The following GRID2 variants were observed in gnomAD, a reference collection of about 807,000 sequenced individuals.
GRID2 encodes the protein glutamate ionotropic receptor delta type subunit 2.
A neutral mutation model predicts 114.8 loss-of-function variants in GRID2; 33 were observed. That is an observed-to-expected ratio of 0.29 (90% CI 0.22 to 0.38). The LOEUF (loss-of-function observed/expected upper bound fraction) is 0.38. Ranked by LOEUF, GRID2 falls within the 10% of genes least tolerant of loss-of-function variation. The pLI is 1.00. For synonymous variants in GRID2, 505 were observed against 449.9 expected (o/e 1.12, Z -1.55); for missense variants, 1,184 against 1,257.7 (o/e 0.94, Z 0.89).
At chr4:92,345,838 C>CG (rs1727736313) in intron 1 of GRID2, among the ~76,000 whole-genome samples, 1 of 152,156 alleles carries the variant, frequency 6.6e-6, no homozygotes, top group Non-Finnish European at 1.5e-5. Context: ...AAGTAAGCAT[C>CG]GTTAGCCTTC....
chr4:92,670,456 T>A (rs1175671335), intron 2 of GRID2, among the ~76,000 whole-genome samples: 1 of 152,032 alleles, frequency 6.6e-6, no homozygotes, highest in African/African-American at 2.4e-5. Flanking sequence ...TATTTGTGGA[T>A]GAACACTTGG....
chr4:92,344,516 G>C (rs1444774843), intron 1 of GRID2, among the ~76,000 whole-genome samples: 1 of 152,160 alleles, frequency 6.6e-6, no homozygotes, highest in South Asian at 2.1e-4. Context: ...AAAACAAGAA[G>C]ATTTATTTTG....
chr4:93,366,710 C>T lies in GRID2; in HGVS notation c.1246-28897C>T, dbSNP rs559460433. Among the ~76,000 whole-genome samples, 428 of 152,084 alleles carry T rather than the reference C, an allele frequency of 2.8e-3. 2 individuals are homozygous for T. The highest frequency in any genetic ancestry group is 0.01 in the South Asian group (50 of 4,800). On this transcript the variant is annotated intron_variant, in intron 8 of 15. Coordinates refer to ENST00000282020, the MANE Select transcript of GRID2 (RefSeq NM_001510.4). ...GCTTGTGGGGCATCATAGAACCTAC[C>T]GACATGTGATGTCTACCCCGGACGC...
chr4:93,381,453 T>C (rs186310035), intron 8 of GRID2, among the ~76,000 whole-genome samples: 7 of 152,274 alleles, frequency 4.6e-5, no homozygotes, highest in Admixed American at 3.9e-4. Flanking sequence ...ATTTAAAAAC[T>C]TGTTTTCTAT....
chr4:93,659,263 T>C (rs1043737692), intron 14 of GRID2, among the ~76,000 whole-genome samples: 5 of 152,088 alleles, frequency 3.3e-5, no homozygotes, highest in Non-Finnish European at 5.9e-5. Flanking sequence ...CCAGAATTAA[T>C]TGAAAGGAAA....
At chr4:93,274,848 T>C in intron 8 of GRID2, among the ~76,000 whole-genome samples, 1 of 152,046 alleles carries the variant, frequency 6.6e-6, no homozygotes, top group South Asian at 2.1e-4. Context: ...TCTTATTTGC[T>C]GAAAAATACC....
At chr4:92,788,688 A>G (rs909832043) in intron 2 of GRID2, among the ~76,000 whole-genome samples, 3 of 151,882 alleles carry the variant, frequency 2.0e-5, no homozygotes, top group Admixed American at 6.6e-5. Flanking sequence ...ACTACAAATC[A>G]GATTGAACAC....
intron 8 of GRID2, among the ~76,000 whole-genome samples, chr4:93,263,197 T>C (rs986192745): frequency 6.6e-6 from 1 of 152,034 alleles, no homozygotes; most frequent in Non-Finnish European, 1.5e-5. Flanking sequence ...TTTTGTCATA[T>C]TTTTTAATCA....
chr4:93,065,842 A>G (rs1244477172), intron 2 of GRID2, among the ~76,000 whole-genome samples: 5 of 151,878 alleles, frequency 3.3e-5, no homozygotes, highest in East Asian at 1.9e-4. Flanking sequence ...CTTGCTAAAT[A>G]CACTAGCTTA....
At chr4:92,601,446 G>A (rs1219104540) in intron 2 of GRID2, among the ~76,000 whole-genome samples, 1 of 152,120 alleles carries the variant, frequency 6.6e-6, no homozygotes. Flanking sequence ...GATAAATCAT[G>A]AAATCAAGGC....
chr4:93,557,437 C>T (rs538004936), intron 13 of GRID2, among the ~76,000 whole-genome samples: 10 of 152,026 alleles, frequency 6.6e-5, no homozygotes, highest in Non-Finnish European at 1.3e-4. Flanking sequence ...GGGTTGCAGC[C>T]CTGGTCTCTG....
Position 93,267,906 on chromosome 4 carries a change from T to A in GRID2, c.1245+29416T>A, listed in dbSNP as rs548723821. On this transcript the variant is annotated intron_variant, in intron 8 of 15. Transcript: ENST00000282020. ...CCCAGGTGTGAGATCCTTCCTAGTG[T>A]CATTCCTGCTCCGTCTCTCTGCTAC... is the stretch of plus-strand genomic sequence containing the variant. 1.2e-4 allele frequency among the ~76,000 whole-genome samples: 19 copies of A among 152,272 alleles called. No homozygotes were observed. The South Asian group carries it at 3.9e-3, about 32-fold the overall frequency.
chr4:92,584,800 G>A (rs973084695), intron 1 of GRID2, among the ~76,000 whole-genome samples: 3 of 151,878 alleles, frequency 2.0e-5, no homozygotes, highest in African/African-American at 7.3e-5. Context: ...GCATAAAATG[G>A]CAGACATAGC....
Position 93,393,695 on chromosome 4 carries a change from C to T in GRID2, c.1246-1912C>T, listed in dbSNP as rs542200810. 2.0e-4 allele frequency among the ~76,000 whole-genome samples: 30 copies of T among 152,032 alleles called. 1 individual carries two copies. In the South Asian group the frequency reaches 6.2e-3, roughly 32 times the overall value. On this transcript the variant is annotated intron_variant, in intron 8 of 15. Coordinates refer to ENST00000282020, the MANE Select transcript of GRID2 (RefSeq NM_001510.4). ...AATTATATATTTATAAATGTTTGTC[C>T]ATAGCATTGTTGAAACAAATGGCTC...
At chr4:92,729,791 C>G (rs932896447) in intron 2 of GRID2, among the ~76,000 whole-genome samples, 3 of 151,066 alleles carry the variant, frequency 2.0e-5, no homozygotes, top group Non-Finnish European at 4.4e-5. Context: ...CCAGAGAGTC[C>G]TTGAAGTATT....
intron 2 of GRID2, among the ~76,000 whole-genome samples, chr4:92,705,463 C>A (rs551685824): frequency 6.6e-6 from 1 of 152,084 alleles, no homozygotes; most frequent in African/African-American, 2.4e-5. Flanking sequence ...AAAAAGTTAC[C>A]TTTTGACACT....
chr4:93,594,129 C>G (rs1738750473), intron 13 of GRID2, among the ~76,000 whole-genome samples: 1 of 152,214 alleles, frequency 6.6e-6, no homozygotes, highest in South Asian at 2.1e-4. Flanking sequence ...AGGAGAGGCA[C>G]TCTGCTTTTT....
At chr4:93,800,029 G>A (rs1459258119) in intron 1 of GRID2, among the ~76,000 whole-genome samples, 1 of 152,138 alleles carries the variant, frequency 6.6e-6, no homozygotes, top group African/African-American at 2.4e-5. Context: ...AAAAATGAAA[G>A]CTCCTATGTT....
chr4:92,941,214 G>T (rs1197391897), intron 2 of GRID2, among the ~76,000 whole-genome samples: 1 of 152,014 alleles, frequency 6.6e-6, no homozygotes, highest in African/African-American at 2.4e-5. Context: ...TTTTTTGGTT[G>T]GTAAGCTATT....
Sources: gnomAD v4.1 joint callset for allele counts (sites outside exome capture counted in the v4.1 genomes callset) on GRCh38, gnomAD v4.1.1 for gene constraint, MANE v1.5 for transcripts, NCBI Gene and HGNC (gene_info 2026-07-23, HGNC 2026-07-21) for gene names.